PPP2R2C: variants seen among roughly 807,000 people sequenced by gnomAD.
The protein encoded by PPP2R2C is protein phosphatase 2, regulatory subunit B, gamma.
In PPP2R2C, 10 loss-of-function variants were observed where a neutral mutation model predicts 45.3. The ratio of observed to expected loss-of-function variants is 0.22; its 90% CI spans 0.14 to 0.37. The LOEUF is 0.37. Among genes scored for constraint, PPP2R2C ranks in the 10% least tolerant of loss-of-function variants. The probability of loss-of-function intolerance (pLI) is 1.00; values close to 1 mark genes in which losing one functional copy is unlikely to be tolerated. For missense variants in PPP2R2C, 308 were observed against 619.7 expected, an observed-to-expected ratio of 0.50 and a Z score of 5.34; for synonymous variants, 257 against 245.4, an observed-to-expected ratio of 1.05 and a Z score of -0.44.
intron 1 of PPP2R2C, among the ~76,000 whole-genome samples, chr4:6,554,034 T>C (rs1365237608): frequency 6.6e-6 from 1 of 152,122 alleles, no homozygotes; most frequent in Admixed American, 6.5e-5. Context: ...GAAGCAAAAT[T>C]AGTTCAAGGG....
At chr4:6,422,347 G>A (rs767424957) in intron 1 of PPP2R2C, among the ~76,000 whole-genome samples, 5 of 152,190 alleles carry the variant, frequency 3.3e-5, no homozygotes, top group Non-Finnish European at 5.9e-5. Flanking sequence ...GCCAACGCCC[G>A]CCAGCAAGCC....
At chr4:6,472,705 G>T (rs938168628), upstream of PPP2R2C, among the ~76,000 whole-genome samples, 6 of 151,584 alleles carry the variant, frequency 4.0e-5, no homozygotes, top group Non-Finnish European at 5.9e-5. Flanking sequence ...AGGTGGAGCC[G>T]GCGCCCAAGC....
rs1721877809 is a variant in PPP2R2C, at chr4:6,471,491, TG to T, written c.70+668del. ...TAGGGGATTTTAAACAGGGCCTGTT[TG>T]GGATGGCATGTCCCACTTTTTTGGA... On this transcript the variant is annotated intron_variant, in intron 1 of 8. Transcript: ENST00000382599. This position sits in a 1 kb window ranked among gnomAD's most constrained non-coding sequence, Gnocchi z 5.6. 6.6e-6 allele frequency: 1 copy of T among 152,186 alleles called. No homozygotes were observed. Among genetic ancestry groups the T allele is most frequent in the Admixed American group, 6.5e-5 (1 of 15,276 alleles). The allele number at this position is 152,186 out of a possible 1,614,324, so 9.4% of individuals were successfully genotyped here.
chr4:6,504,073 T>C (rs1353678013), intron 2 of PPP2R2C, among the ~76,000 whole-genome samples: 1 of 152,164 alleles, frequency 6.6e-6, no homozygotes, highest in African/African-American at 2.4e-5. Flanking sequence ...ACAACTGTGA[T>C]AGAAATCTCC....
chr4:6,539,839 C>A (rs767498948), intron 1 of PPP2R2C, among the ~76,000 whole-genome samples: 9 of 152,154 alleles, frequency 5.9e-5, no homozygotes, highest in Non-Finnish European at 7.3e-5. Context: ...GCCCCTGAGG[C>A]ACAGAAACTA....
intron 6 of PPP2R2C, among the ~76,000 whole-genome samples, chr4:6,337,976 A>G (rs957136870): frequency 2.0e-5 from 3 of 152,062 alleles, no homozygotes; most frequent in African/African-American, 7.2e-5. Flanking sequence ...TTTCCAAAAG[A>G]TAGTGGAATC....
At chr4:6,478,177 A>G (rs1472355268) in intron 2 of PPP2R2C, among the ~76,000 whole-genome samples, 4 of 152,198 alleles carry the variant, frequency 2.6e-5, no homozygotes. Flanking sequence ...TCCATTTGGA[A>G]TTAGCCTAAA....
chr4:6,520,493 C>T (rs1056458050), intron 2 of PPP2R2C, among the ~76,000 whole-genome samples: 10 of 152,198 alleles, frequency 6.6e-5, no homozygotes, highest in South Asian at 2.1e-4. Flanking sequence ...AAATGACCCA[C>T]GTCACACACA....
chr4:6,511,533 G>A (rs1723491592), intron 2 of PPP2R2C, among the ~76,000 whole-genome samples: 1 of 61,056 alleles, frequency 1.6e-5, no homozygotes, highest in Non-Finnish European at 3.8e-5. Flanking sequence ...TGATGGTGGT[G>A]GTGGTGGTGG....
chr4:6,326,534 G>A (rs1731955543), intron 8 of PPP2R2C, among the ~76,000 whole-genome samples: 1 of 152,204 alleles, frequency 6.6e-6, no homozygotes, highest in African/African-American at 2.4e-5. Flanking sequence ...GTAACCTGGG[G>A]AAGGGCAGGC....
intron 8 of PPP2R2C, among the ~76,000 whole-genome samples, chr4:6,325,923 C>T (rs571489033): frequency 2.0e-5 from 3 of 152,322 alleles, no homozygotes; most frequent in African/African-American, 7.2e-5. Context: ...GCCTGTAATC[C>T]CAGCTACTTG....
At chr4:6,351,197 C>T (rs182204626) in intron 5 of PPP2R2C, 2 of 481,176 alleles carry the variant, frequency 4.2e-6, no homozygotes, top group East Asian at 3.1e-4. Flanking sequence ...GCCTGAAATC[C>T]CAGCTACTTG....
chr4:6,390,338 A>G (rs910402683), intron 1 of PPP2R2C, among the ~76,000 whole-genome samples: 1 of 152,178 alleles, frequency 6.6e-6, no homozygotes, highest in East Asian at 1.9e-4. Flanking sequence ...AGACAGCTCT[A>G]CAGGAAACTT....
At chr4:6,539,908 C>A (rs947959779) in intron 1 of PPP2R2C, among the ~76,000 whole-genome samples, 3 of 152,114 alleles carry the variant, frequency 2.0e-5, no homozygotes, top group African/African-American at 7.2e-5. Flanking sequence ...AACCACCACA[C>A]CACCCTATTC....
chr4:6,362,251 G>A (rs144951924), intron 5 of PPP2R2C, among the ~76,000 whole-genome samples: 101 of 152,308 alleles, frequency 6.6e-4, no homozygotes, highest in African/African-American at 2.4e-3. Flanking sequence ...TGAGCTATGA[G>A]GGTGGAGGGG....
chr4:6,461,234 G>C (rs1160657533), intron 1 of PPP2R2C, among the ~76,000 whole-genome samples: 1 of 152,216 alleles, frequency 6.6e-6, no homozygotes, highest in Non-Finnish European at 1.5e-5. Context: ...AGGGAGAGGG[G>C]AGGGTCAGGG....
At chr4:6,496,231 C>T (rs541014395) in intron 2 of PPP2R2C, among the ~76,000 whole-genome samples, 15 of 152,140 alleles carry the variant, frequency 9.9e-5, no homozygotes, top group South Asian at 4.2e-4. Context: ...ACATATTTTG[C>T]GGGGGGGCAA....
At chr4:6,530,670 C>A (rs1372797701) in intron 2 of PPP2R2C, among the ~76,000 whole-genome samples, 2 of 152,200 alleles carry the variant, frequency 1.3e-5, no homozygotes, top group African/African-American at 2.4e-5. Context: ...GAATCAACTT[C>A]TCTCAGCCTC....
chr4:6,347,747 C>T, intron 6 of PPP2R2C, 99 bp downstream of exon 6: 1 of 1,430,690 alleles, frequency 7.0e-7, no homozygotes, highest in Non-Finnish European at 9.3e-7. Context: ...CATGCTCATC[C>T]CACACCCACC....
Sources: gnomAD v4.1 joint callset for allele counts (sites outside exome capture counted in the v4.1 genomes callset) on GRCh38, gnomAD v4.1.1 for gene constraint, Gnocchi (gnomAD v3.1) non-coding constraint, MANE v1.5 for transcripts, NCBI Gene and HGNC (gene_info 2026-07-23, HGNC 2026-07-21) for gene names.